TACR3: variants seen among roughly 807,000 people sequenced by gnomAD.
TACR3 encodes tachykinin receptor 3.
In TACR3, 34 loss-of-function variants were observed where a neutral mutation model predicts 35.0. The ratio of observed to expected loss-of-function variants is 0.97; its 90% CI spans 0.74 to 1.30. The LOEUF (loss-of-function observed/expected upper bound fraction) is 1.30, where lower values mean the gene tolerates loss of function less well. Ranked by LOEUF, TACR3 falls within the 50% of genes most tolerant of loss-of-function variation. The pLI is 0.00. For missense variants in TACR3, 558 were observed against 591.7 expected, an observed-to-expected ratio of 0.94 and a Z score of 0.59; for synonymous variants, 233 against 221.1, an observed-to-expected ratio of 1.05 and a Z score of -0.48.
chr4:103,592,585 C>CA (rs1356974927), intron 3 of TACR3, among the ~76,000 whole-genome samples: 23 of 152,208 alleles, frequency 1.5e-4, no homozygotes, highest in Non-Finnish European at 2.9e-4. Context: ...TAGCAATGTA[C>CA]AATGAACAAT....
intron 3 of TACR3, among the ~76,000 whole-genome samples, chr4:103,625,443 C>G (rs1724867689): frequency 6.6e-6 from 1 of 151,162 alleles, no homozygotes; most frequent in South Asian, 2.1e-4. Context: ...AGTAGAAATG[C>G]AAGGGAAAGT....
intron 1 of TACR3, among the ~76,000 whole-genome samples, chr4:103,703,218 T>G (rs1434706232): frequency 6.6e-6 from 1 of 152,154 alleles, no homozygotes; most frequent in African/African-American, 2.4e-5. Context: ...GTTTTTAAAA[T>G]TTATTGTGGT....
At chr4:103,630,773 T>G (rs1374626090) in intron 3 of TACR3, among the ~76,000 whole-genome samples, 1 of 152,110 alleles carries the variant, frequency 6.6e-6, no homozygotes, top group Non-Finnish European at 1.5e-5. Flanking sequence ...GACAGTGTGG[T>G]GATTCCTCAA....
chr4:103,614,640 T>C (rs191643687), intron 3 of TACR3, among the ~76,000 whole-genome samples: 1 of 152,174 alleles, frequency 6.6e-6, no homozygotes, highest in Non-Finnish European at 1.5e-5. Flanking sequence ...TCAGAAAGAT[T>C]AAGTAATTTG....
intron 3 of TACR3, among the ~76,000 whole-genome samples, chr4:103,652,157 A>G (rs911925838): frequency 6.6e-6 from 1 of 151,908 alleles, no homozygotes; most frequent in Non-Finnish European, 1.5e-5. Context: ...CAGCACTATG[A>G]CTCACATAGG....
In TACR3 at chr4:103,591,718, A is replaced by G. The variant is rs201181847; in HGVS notation, c.889-35T>C. On this transcript the variant is annotated intron_variant, in intron 3 of 4. Coordinates refer to ENST00000304883, the MANE Select transcript of TACR3 (RefSeq NM_001059.3). Reference sequence around the variant, plus strand: ...AAAAAAGTCATTTTTGACAAATATAATACTCATAATAGTTCCAATAGCTTA... The same window carrying G: ...AAAAAAGTCATTTTTGACAAATATAGTACTCATAATAGTTCCAATAGCTTA... 2.6e-5 allele frequency: 40 copies of G among 1,556,334 alleles called. No homozygotes were observed. In the Middle Eastern group the frequency reaches 6.5e-4, roughly 25 times the overall value.
intron 1 of TACR3, among the ~76,000 whole-genome samples, chr4:103,679,781 A>G (rs1404227683): frequency 1.3e-5 from 2 of 151,974 alleles, no homozygotes; most frequent in East Asian, 1.9e-4. Context: ...GGTAAGTAGA[A>G]TGATGGTTTG....
At chr4:103,616,373 G>GTA (rs1335830891) in intron 3 of TACR3, among the ~76,000 whole-genome samples, 3 of 151,846 alleles carry the variant, frequency 2.0e-5, no homozygotes, top group Admixed American at 2.0e-4. Context: ...GGAGTATATA[G>GTA]TATATATAGT....
At chr4:103,711,749 C>A in intron 1 of TACR3, among the ~76,000 whole-genome samples, 1 of 152,204 alleles carries the variant, frequency 6.6e-6, no homozygotes, top group South Asian at 2.1e-4. Context: ...AAAACCCCAT[C>A]GTCTCAGCCC....
chr4:103,599,208 T>C (rs1233956933), intron 3 of TACR3, among the ~76,000 whole-genome samples: 1 of 152,322 alleles, frequency 6.6e-6, no homozygotes, highest in Non-Finnish European at 1.5e-5. Context: ...TTTATTTTCT[T>C]TGAAGCAATT....
At chr4:103,664,770 C>T (rs1725903429) in intron 1 of TACR3, among the ~76,000 whole-genome samples, 1 of 152,058 alleles carries the variant, frequency 6.6e-6, no homozygotes, top group Non-Finnish European at 1.5e-5. Flanking sequence ...TTTCTAGATA[C>T]ATTTTATTTT....
intron 3 of TACR3, among the ~76,000 whole-genome samples, chr4:103,630,589 A>G (rs1041427482): frequency 4.6e-5 from 7 of 152,226 alleles, no homozygotes; most frequent in South Asian, 2.1e-4. Context: ...AATGCTCATC[A>G]TCACTGGTCA....
intron 3 of TACR3, among the ~76,000 whole-genome samples, chr4:103,622,559 G>A (rs138897369): frequency 0.035 from 5,277 of 152,038 alleles, 327 homozygotes; most frequent in African/African-American, 0.12. Flanking sequence ...GTGAAACCCC[G>A]TCTCTACTAA....
chr4:103,662,166 A>G (rs1333507384), intron 1 of TACR3, among the ~76,000 whole-genome samples: 2 of 152,104 alleles, frequency 1.3e-5, no homozygotes, highest in Admixed American at 6.6e-5. Flanking sequence ...TGAGGGTTGC[A>G]AAGATTTCTG....
chr4:103,714,397 A>G (rs937747460), intron 1 of TACR3, among the ~76,000 whole-genome samples: 3 of 152,156 alleles, frequency 2.0e-5, no homozygotes, highest in Non-Finnish European at 4.4e-5. Context: ...AATTGGCACT[A>G]TAATTTTAAC....
chr4:103,658,506 T>G (rs1725776739), intron 1 of TACR3, 103 bp from the exon 2 acceptor site: 1 of 1,131,172 alleles, frequency 8.8e-7, no homozygotes, highest in South Asian at 1.3e-5. Context: ...TTACAGTCAT[T>G]GCTCTTTTGG....
At chr4:103,650,604 AATAT>A (rs1189583987) in intron 3 of TACR3, among the ~76,000 whole-genome samples, 3 of 100,572 alleles carry the variant, frequency 3.0e-5, no homozygotes, top group Non-Finnish European at 3.5e-5. Context: ...ATTTATATAA[AATAT>A]ATAAATATAT....
chr4:103,683,291 G>C (rs1216510231), intron 1 of TACR3, among the ~76,000 whole-genome samples: 2 of 151,602 alleles, frequency 1.3e-5, no homozygotes, highest in Non-Finnish European at 1.5e-5. Flanking sequence ...GTTTCCATCT[G>C]TGAAAACTAG....
intron 3 of TACR3, among the ~76,000 whole-genome samples, chr4:103,610,403 G>A (rs1724487714): frequency 6.6e-6 from 1 of 151,932 alleles, no homozygotes; most frequent in African/African-American, 2.4e-5. Context: ...TCATATACCT[G>A]TTAGTCCTTT....
Sources: allele counts gnomAD v4.1 joint callset (sites outside exome capture counted in the v4.1 genomes callset), GRCh38; gene constraint gnomAD v4.1.1; transcripts MANE v1.5; gene names NCBI Gene and HGNC (gene_info 2026-07-23, HGNC 2026-07-21).